The following SLC25A3 variants were observed in gnomAD, a reference collection of about 807,000 sequenced individuals.
The protein encoded by SLC25A3 is solute carrier family 25 member 3.
SLC25A3 carries 14 observed loss-of-function variants against 37.1 expected under a neutral mutation model. The observed-to-expected ratio is 0.38, with a 90% CI of 0.25 to 0.59. The LOEUF is 0.59. Ranked by LOEUF, SLC25A3 falls within the 20% of genes least tolerant of loss-of-function variation. The pLI is 0.67. For missense variants in SLC25A3, 385 were observed against 458.1 expected, an observed-to-expected ratio of 0.84 and a Z score of 1.46; for synonymous variants, 161 against 168.7, an observed-to-expected ratio of 0.95 and a Z score of 0.36.
Position 98,601,445 on chromosome 12 carries a change from G to C in SLC25A3, c.1003G>C (p.Val335Leu), listed in dbSNP as rs11544657. The stretch of plus-strand genomic sequence containing the variant: ...ACTACAGTGGTTTATCTATGACTCC[G>C]TGAAGGTCTACTTCAGACTTCCTCG... ...TALQWFIYDS[V>L]KVYFRLPRPP... Residue 335 changes from valine (V) to leucine (L), a missense_variant, in exon 8 of 8, where the codon GTG (valine) becomes CTG (leucine). Transcript: ENST00000552981. The C allele has an allele frequency of 3.1e-6, 5 of 1,613,852 alleles. No homozygotes were observed. In the African/African-American group the frequency reaches 6.7e-5, roughly 22 times the overall value.
chr12:98,598,311 G>A (rs370977230), intron 4 of SLC25A3: 7 of 794,080 alleles, frequency 8.8e-6, no homozygotes, highest in African/African-American at 5.3e-5. Context: ...GCGTAGTTCC[G>A]GGGCATGGCA....
rs985064833 is a variant in SLC25A3, at chr12:98,603,789, A to C, written c.*2261A>C. 2.0e-5 allele frequency: 3 copies of C among 152,206 alleles called. No individual in the cohort carries two copies. The highest frequency in any genetic ancestry group is 7.2e-5 in the African/African-American group (3 of 41,440). The allele number at this position is 152,206 out of a possible 1,614,324, so 9.4% of individuals were successfully genotyped here. On this transcript the variant is annotated 3_prime_UTR_variant, in exon 8 of 8. Coordinates refer to ENST00000552981, the MANE Select transcript of SLC25A3 (RefSeq NM_002635.4). ...TCTGAGAGAAAGCCACTTCATCCTC[A>C]AAACCCAAGAGGCCCACTTAAAGTG... is the stretch of plus-strand genomic sequence containing the variant.
At position 98,598,786 on chromosome 12, in the gene SLC25A3, GT is replaced by G. The variant is rs1187805898; in HGVS notation, c.641+90del. 6 of 1,288,604 alleles carry G rather than the reference GT, an allele frequency of 4.7e-6. No homozygotes were observed. In the African/African-American group the frequency reaches 5.0e-5, roughly 11 times the overall value. The allele number at this position is 1,288,604 out of a possible 1,614,324, so 79.8% of individuals were successfully genotyped here. On this transcript the variant is annotated intron_variant, in intron 5 of 7. Transcript: ENST00000552981. Reference sequence around the variant, plus strand: ...TTTTTTTTGTTTTTTTTTTTGTTTTGTTTTTTTGAGACAAAGTCTCGCTCTG... The same window carrying G: ...TTTTTTTTGTTTTTTTTTTTGTTTTGTTTTTTGAGACAAAGTCTCGCTCTG...
rs559685708 is a variant in SLC25A3 at position 98,594,305 on chromosome 12, G to T, written c.157+170G>T. On this transcript the variant is annotated intron_variant, in intron 2 of 7. Coordinates refer to ENST00000552981, the MANE Select transcript of SLC25A3 (RefSeq NM_002635.4). ...TATCGGCCTTTTCCACCATAGGCGG[G>T]TGTCAGATCCTTGGCCTTCCCTCAA... The T allele has an allele frequency of 1.3e-4, 94 of 714,016 alleles. 1 individual carries two copies. The South Asian group carries it at 1.3e-3, about 10-fold the overall frequency. 44.2% of individuals were successfully genotyped at this position (714,016 alleles called of 1,614,324 possible). A position where few individuals can be genotyped will look rare whatever the true frequency, so the allele number is the denominator to read the frequency against.
Position 98,598,525 on chromosome 12 carries a change from A to G in SLC25A3, c.463A>G (p.Asn155Asp). The G allele has an allele frequency of 1.2e-6, 2 of 1,612,410 alleles. No homozygotes were observed. The highest frequency in any genetic ancestry group is 1.7e-6 in the Non-Finnish European group (2 of 1,179,902). ...TTCCTTGTGTTTTGGATTTTAGGAGAATACTTATCTCTGGCGCACATCACT... is the reference window on the plus strand; with the variant it reads ...TTCCTTGTGTTTTGGATTTTAGGAGGATACTTATCTCTGGCGCACATCACT... Reference protein sequence around the residue: ...VLYSNMLGEENTYLWRTSLYL... With the variant: ...VLYSNMLGEEDTYLWRTSLYL... Residue 155 changes from asparagine (N) to aspartate (D), a missense_variant, in exon 5 of 8, where the codon AAT (asparagine) becomes GAT (aspartate). By Grantham distance (23) the Asn-to-Asp change is conservative. This residue lies in a region of SLC25A3 where 276 missense variants were observed against 367.6 expected (regional missense o/e 0.75). Coordinates refer to ENST00000552981, the MANE Select transcript of SLC25A3 (RefSeq NM_002635.4).
In SLC25A3 at chr12:98,601,715, T is replaced by G; in HGVS notation, c.*187T>G. On this transcript the variant is annotated 3_prime_UTR_variant, in exon 8 of 8. Coordinates refer to ENST00000552981, the MANE Select transcript of SLC25A3 (RefSeq NM_002635.4). ...TAAACCCAACTCTTCATGATTTGCC[T>G]GTGACTTATTTTTAAAACTTTTTTA... 1.7e-6 allele frequency: 1 copy of G among 597,430 alleles called. No individual in the cohort carries two copies. Among genetic ancestry groups the G allele is most frequent in the Non-Finnish European group, 3.0e-6 (1 of 337,378 alleles). 37.0% of individuals were successfully genotyped at this position (597,430 alleles called of 1,614,324 possible). A position where few individuals can be genotyped will look rare whatever the true frequency, so the allele number is the denominator to read the frequency against.
intron 6 of SLC25A3, 180 bp from the exon 7 acceptor site, chr12:98,600,989 CTT>C (rs1428758612): frequency 1.6e-6 from 1 of 609,398 alleles, no homozygotes; most frequent in African/African-American, 1.9e-5. Flanking sequence ...ATCTGAAAAA[CTT>C]TAAAAGATTG....
At chr12:98,601,024 A>G (rs951869598) in intron 6 of SLC25A3, 147 bp from the exon 7 acceptor site, 19 of 814,006 alleles carry the variant, frequency 2.3e-5, no homozygotes, top group African/African-American at 3.5e-5. Context: ...TAGGATAGAC[A>G]GCTTGATAAC....
In SLC25A3 at chr12:98,593,933, GCGCCTTGCCTGTCCTCTAACCGT is replaced by G; in HGVS notation, c.-4-38_-4-16del. 6.2e-7 allele frequency: 1 copy of G among 1,612,608 alleles called. No individual in the cohort carries two copies. The highest frequency in any genetic ancestry group is 8.5e-7 in the Non-Finnish European group (1 of 1,179,224). On this transcript the variant is annotated intron_variant, in intron 1 of 7. Coordinates refer to ENST00000552981, the MANE Select transcript of SLC25A3 (RefSeq NM_002635.4). Reference sequence around the variant, plus strand: ...TCCAGGGCGCCGGTAACGTTAACCGGCGCCTTGCCTGTCCTCTAACCGTCGCTCCCTCCTCCCCTAGAAAGATG... The same window carrying G: ...TCCAGGGCGCCGGTAACGTTAACCGGCGCTCCCTCCTCCCCTAGAAAGATG...
At chr12:98,597,635 G>T (rs2097594087) in intron 3 of SLC25A3, 1 of 527,784 alleles carries the variant, frequency 1.9e-6, no homozygotes, top group Admixed American at 3.3e-5. Flanking sequence ...TGTTGCCCAG[G>T]CTGGTCTTGA....
At chr12:98,595,683 T>C in intron 2 of SLC25A3, 44 bp from the exon 3 acceptor site, 2 of 1,614,156 alleles carry the variant, frequency 1.2e-6, no homozygotes, top group Non-Finnish European at 8.5e-7. Context: ...ACCAGTAACA[T>C]GAGTTTTATA....
intron 3 of SLC25A3, among the ~76,000 whole-genome samples, chr12:98,596,682 A>T (rs2097593253): frequency 1.3e-5 from 2 of 152,132 alleles, no homozygotes; most frequent in African/African-American, 4.8e-5. Context: ...TATGTTAGGA[A>T]TACAGTTATA....
chr12:98,595,304 A>T, intron 2 of SLC25A3: 1 of 988,468 alleles, frequency 1.0e-6, no homozygotes, highest in Non-Finnish European at 1.5e-6. Context: ...TTTTTAAGCC[A>T]CTTAATTGTG....
chr12:98,602,677 T>C lies in SLC25A3; in HGVS notation c.*1149T>C, dbSNP rs1173819513. On this transcript the variant is annotated 3_prime_UTR_variant, in exon 8 of 8. Transcript: ENST00000552981. ...TCCCCTTAAGTTTGATTAGGAAGTG[T>C]ATAAAAGTTCAATCTTTTGTAATGA... 6.6e-6 allele frequency: 1 copy of C among 152,102 alleles called. No individual in the cohort carries two copies. Among genetic ancestry groups the C allele is most frequent in the Non-Finnish European group, 1.5e-5 (1 of 68,028 alleles). 9.4% of individuals were successfully genotyped at this position (152,102 alleles called of 1,614,324 possible).
At chr12:98,594,784 T>G in intron 2 of SLC25A3, 1 of 208,136 alleles carries the variant, frequency 4.8e-6, no homozygotes, top group Non-Finnish European at 9.9e-6. Flanking sequence ...AGTATGTACA[T>G]ACAGAGAAAC....
intron 2 of SLC25A3, 94 bp downstream of exon 2, chr12:98,594,229 C>T: frequency 9.5e-7 from 1 of 1,052,014 alleles, no homozygotes; most frequent in Non-Finnish European, 1.4e-6. Flanking sequence ...CAGGGAAGGA[C>T]GAGTCCAGCC....
chr12:98,593,761 T>G, intron 1 of SLC25A3, 21 bp downstream of exon 1: 1 of 612,100 alleles, frequency 1.6e-6, no homozygotes, highest in African/African-American at 1.8e-5. Context: ...CCGGGCCTTC[T>G]CCTGTGGCGG....
At chr12:98,598,450 C>G in intron 4 of SLC25A3, 72 bp from the exon 5 acceptor site, 3 of 1,609,776 alleles carry the variant, frequency 1.9e-6, no homozygotes, top group East Asian at 4.5e-5. Context: ...TAGTTGTTTT[C>G]TAGAACTGTC....
chr12:98,595,478 G>A, intron 2 of SLC25A3: 2 of 1,613,432 alleles, frequency 1.2e-6, no homozygotes, highest in Middle Eastern at 3.3e-4. Flanking sequence ...TTTATCCTTT[G>A]TGGACTTGGA....
Sources: gnomAD v4.1 joint callset for allele counts (sites outside exome capture counted in the v4.1 genomes callset) on GRCh38, gnomAD v4.1.1 for gene constraint, gnomAD v4.1.1 regional missense constraint, MANE v1.5 for transcripts, NCBI Gene and HGNC (gene_info 2026-07-23, HGNC 2026-07-21) for gene names.